MYCBP2: variants seen among roughly 807,000 people sequenced by gnomAD.
MYCBP2 encodes the protein E3 ubiquitin-protein ligase MYCBP2.
Under a neutral mutation model 525.3 loss-of-function variants are expected in MYCBP2, and 120 were observed. The observed-to-expected ratio is 0.23, with a 90% CI of 0.20 to 0.27. The LOEUF (loss-of-function observed/expected upper bound fraction) is 0.27, where lower values mean the gene tolerates loss of function less well. MYCBP2 is among the 10% of genes least tolerant of loss of function. The pLI, the probability that MYCBP2 is intolerant of heterozygous loss-of-function variation, is 1.00. For synonymous variants in MYCBP2, 1,894 were observed against 1,955.8 expected (o/e 0.97, Z 0.83); for missense variants, 4,149 against 5,657.1 (o/e 0.73, Z 8.55).
chr13:77,321,607 A>G (rs1205884717), intron 1 of MYCBP2, among the ~76,000 whole-genome samples: 1 of 152,224 alleles, frequency 6.6e-6, no homozygotes, highest in Non-Finnish European at 1.5e-5. Flanking sequence ...ACTGTCCTTC[A>G]TGACACCTGC....
chr13:77,269,885 ATAT>A (rs1336608278), intron 7 of MYCBP2, 104 bp downstream of exon 7: 1 of 870,620 alleles, frequency 1.1e-6, no homozygotes, highest in Non-Finnish European at 1.8e-6. Flanking sequence ...TAGTAAAAAT[ATAT>A]TATCATTTCT....
intron 3 of MYCBP2, among the ~76,000 whole-genome samples, chr13:77,283,490 A>G (rs2076409084): frequency 1.3e-5 from 2 of 152,234 alleles, no homozygotes; most frequent in Non-Finnish European, 1.5e-5. Context: ...TTCAAAAAGA[A>G]TATACTGAAT....
At chr13:77,223,724 C>T (rs956187230) in intron 20 of MYCBP2, among the ~76,000 whole-genome samples, 2 of 152,066 alleles carry the variant, frequency 1.3e-5, no homozygotes, top group African/African-American at 2.4e-5. Flanking sequence ...TTTCTGCTTC[C>T]ACATATTCAT....
chr13:77,085,646 G>A (rs1012978421), intron 62 of MYCBP2, among the ~76,000 whole-genome samples: 9 of 152,202 alleles, frequency 5.9e-5, no homozygotes, highest in Non-Finnish European at 1.2e-4. Context: ...GCAGAAGCAT[G>A]GCATATGAGT....
At chr13:77,220,998 T>G (rs1300066608) in intron 20 of MYCBP2, among the ~76,000 whole-genome samples, 1 of 152,184 alleles carries the variant, frequency 6.6e-6, no homozygotes, top group Admixed American at 6.5e-5. Context: ...TTTGGGCAGT[T>G]AAAACAAATC....
intron 55 of MYCBP2, among the ~76,000 whole-genome samples, chr13:77,113,422 T>G (rs2049182212): frequency 6.6e-6 from 1 of 152,148 alleles, no homozygotes; most frequent in Non-Finnish European, 1.5e-5. Context: ...TTTTGTTTTT[T>G]TTTTAACCTT....
intron 21 of MYCBP2, among the ~76,000 whole-genome samples, chr13:77,214,725 G>T (rs576641197): frequency 6.6e-6 from 1 of 152,236 alleles, no homozygotes; most frequent in South Asian, 2.1e-4. Flanking sequence ...TAGGTGATAT[G>T]GTGTAGCCTA....
At chr13:77,249,998 C>A (rs1313541248) in intron 15 of MYCBP2, among the ~76,000 whole-genome samples, 1 of 151,770 alleles carries the variant, frequency 6.6e-6, no homozygotes, top group Non-Finnish European at 1.5e-5. Context: ...CCGAGGCGGG[C>A]GGATCACGAG....
At chr13:77,102,031 C>G (rs953661181) in intron 55 of MYCBP2, among the ~76,000 whole-genome samples, 2 of 151,582 alleles carry the variant, frequency 1.3e-5, no homozygotes, top group Non-Finnish European at 2.9e-5. Context: ...TTAAAGGAAA[C>G]CTGAAGAAAT....
At chr13:77,056,187 G>A (rs143232862) in intron 79 of MYCBP2, among the ~76,000 whole-genome samples, 2 of 149,568 alleles carry the variant, frequency 1.3e-5, no homozygotes, top group African/African-American at 2.5e-5. Context: ...AAGGCAGAAC[G>A]CCAGGTGACA....
At chr13:77,259,927 A>T (rs1476395235) in intron 13 of MYCBP2, among the ~76,000 whole-genome samples, 1 of 152,154 alleles carries the variant, frequency 6.6e-6, no homozygotes, top group Non-Finnish European at 1.5e-5. Context: ...CCACTTCTCA[A>T]ACTTTTGGTT....
chr13:77,066,902 T>C (rs901124055), intron 71 of MYCBP2, among the ~76,000 whole-genome samples: 30 of 152,188 alleles, frequency 2.0e-4, no homozygotes, highest in Admixed American at 2.6e-4. Flanking sequence ...GAACTGACTG[T>C]TCTTGTCATT....
intron 68 of MYCBP2, chr13:77,075,537 T>A (rs1240916995): frequency 6.6e-6 from 1 of 152,184 alleles, no homozygotes; most frequent in African/African-American, 2.4e-5. Flanking sequence ...CAGTCCAATA[T>A]CCCCTAAGAA....
At chr13:77,169,009 G>T (rs1051988539) in intron 39 of MYCBP2, among the ~76,000 whole-genome samples, 2 of 152,044 alleles carry the variant, frequency 1.3e-5, no homozygotes, top group Non-Finnish European at 2.9e-5. Context: ...AGACCATTTG[G>T]CATCAACCTC....
chr13:77,112,690 T>G (rs954335385), intron 55 of MYCBP2, among the ~76,000 whole-genome samples: 2 of 152,132 alleles, frequency 1.3e-5, no homozygotes, highest in African/African-American at 4.8e-5. Context: ...CCTTCTACCT[T>G]GGCCTTGCCA....
chr13:77,188,408 G>C (rs549134776), intron 30 of MYCBP2, among the ~76,000 whole-genome samples: 6 of 152,224 alleles, frequency 3.9e-5, no homozygotes, highest in Admixed American at 1.3e-4. Flanking sequence ...GGTAACATAC[G>C]TAAGAATCCT....
At chr13:77,060,170 G>T (rs907837470) in intron 76 of MYCBP2, among the ~76,000 whole-genome samples, 2 of 151,876 alleles carry the variant, frequency 1.3e-5, no homozygotes, top group Admixed American at 1.3e-4. Context: ...CAAGAACAGA[G>T]CAATAAGAAA....
At chr13:77,229,853 T>C (rs1310844355) in intron 18 of MYCBP2, among the ~76,000 whole-genome samples, 1 of 152,110 alleles carries the variant, frequency 6.6e-6, no homozygotes, top group Non-Finnish European at 1.5e-5. Context: ...AAGAGTAAAA[T>C]AGACTCAGAT....
rs572344448 is a variant in MYCBP2 at position 77,205,504 on chromosome 13, T to C, written c.3684A>G (p.Lys1228=). Residue 1228 remains lysine (K), a synonymous_variant, in exon 25 of 83, where the codon AAA becomes AAG. Transcript: ENST00000544440. ...ETQAVMKVYS[K]EDYSVVNRFE... is the part of the protein sequence containing the mutation. Reference sequence around the variant, plus strand: ...ACCTGTTTACCACACTATAATCTTCTTTAGAATAAACCTTCATTACTGCTT... The same window carrying C: ...ACCTGTTTACCACACTATAATCTTCCTTAGAATAAACCTTCATTACTGCTT... 20 of 1,613,656 alleles carry C rather than the reference T, an allele frequency of 1.2e-5. No homozygotes were observed. In the African/African-American group the frequency reaches 2.5e-4, roughly 20 times the overall value.
Sources: gnomAD v4.1 joint callset for allele counts (sites outside exome capture counted in the v4.1 genomes callset) on GRCh38, gnomAD v4.1.1 for gene constraint, MANE v1.5 for transcripts, NCBI Gene and HGNC (gene_info 2026-07-23, HGNC 2026-07-21) for gene names.